The following PHTF2 variants were observed in gnomAD, a reference collection of about 807,000 sequenced individuals.
PHTF2 encodes the protein putative homeodomain transcription factor 2.
A neutral mutation model predicts 101.2 loss-of-function variants in PHTF2; 60 were observed. That is an observed-to-expected ratio of 0.59 (90% CI 0.48 to 0.73). The LOEUF is 0.73. PHTF2 is among the 30% of genes least tolerant of loss of function. The pLI, the probability that PHTF2 is intolerant of heterozygous loss-of-function variation, is 0.00. For synonymous variants in PHTF2, 311 were observed against 307.3 expected (o/e 1.01, Z -0.13); for missense variants, 747 against 908.7 (o/e 0.82, Z 2.29).
chr7:77,922,521 G>T, intron 10 of PHTF2, 102 bp from the exon 10 acceptor site: 1 of 751,856 alleles, frequency 1.3e-6, no homozygotes, highest in Non-Finnish European at 2.0e-6. Context: ...ATATTTTGAA[G>T]TTGTGTGTAT....
intron 11 of PHTF2, among the ~76,000 whole-genome samples, chr7:77,924,865 A>G (rs1025104810): frequency 6.6e-6 from 1 of 152,162 alleles, no homozygotes; most frequent in Non-Finnish European, 1.5e-5. Context: ...TTTAATGTGT[A>G]GACTTTCATT....
At chr7:77,819,039 GTTGA>G (rs1291218592) in intron 1 of PHTF2, among the ~76,000 whole-genome samples, 6 of 151,954 alleles carry the variant, frequency 3.9e-5, no homozygotes, top group Admixed American at 6.6e-5. Flanking sequence ...TTTTCAGCTA[GTTGA>G]TTGTTTGTGT....
At chr7:77,873,215 CTG>C (rs1315366814) in intron 3 of PHTF2, among the ~76,000 whole-genome samples, 4 of 151,854 alleles carry the variant, frequency 2.6e-5, no homozygotes, top group Non-Finnish European at 5.9e-5. Flanking sequence ...GCGTGAGCCA[CTG>C]TGCTCGGCCT....
At chr7:77,890,948 A>G (rs1467683769) in intron 3 of PHTF2, among the ~76,000 whole-genome samples, 2 of 120,490 alleles carry the variant, frequency 1.7e-5, no homozygotes, top group African/African-American at 6.7e-5. Context: ...TCACTCTGTC[A>G]CCCAGGCAGA....
chr7:77,910,142 A>C, intron 8 of PHTF2, 103 bp from the exon 8 acceptor site: 1 of 802,054 alleles, frequency 1.2e-6, no homozygotes, highest in Non-Finnish European at 2.0e-6. Context: ...TGTGTTAAGT[A>C]AAGTTCCTGT....
At chr7:77,874,359 T>C (rs147026106) in intron 3 of PHTF2, among the ~76,000 whole-genome samples, 1 of 152,228 alleles carries the variant, frequency 6.6e-6, no homozygotes, top group Non-Finnish European at 1.5e-5. Flanking sequence ...CCAAAATCTG[T>C]TGGTCAAGGT....
chr7:77,897,293 ATTTTT>A (rs10687152), intron 5 of PHTF2, among the ~76,000 whole-genome samples: 3 of 133,718 alleles, frequency 2.2e-5, no homozygotes, highest in African/African-American at 2.8e-5. Flanking sequence ...AGCCCATTTC[ATTTTT>A]TTTTTTTTTT....
intron 1 of PHTF2, among the ~76,000 whole-genome samples, chr7:77,816,988 T>C (rs1309191460): frequency 6.6e-6 from 1 of 152,214 alleles, no homozygotes; most frequent in East Asian, 1.9e-4. Context: ...TGTAGGTTGA[T>C]TCCATATCTT....
At chr7:77,955,701 A>G (rs894871813) in exon 20 of PHTF2, 1 of 152,570 alleles carries the variant, frequency 6.6e-6, no homozygotes, top group Non-Finnish European at 1.5e-5. Context: ...TCATCTCACA[A>G]GTGAAGTGCC....
chr7:77,910,472 A>G, intron 9 of PHTF2, 63 bp downstream of exon 8: 2 of 1,148,256 alleles, frequency 1.7e-6, no homozygotes, highest in Admixed American at 2.4e-5. Flanking sequence ...CTGGCACTTC[A>G]GTCTCAGGTA....
intron 1 of PHTF2, among the ~76,000 whole-genome samples, chr7:77,829,120 A>G (rs1425992318): frequency 6.6e-6 from 1 of 152,204 alleles, no homozygotes; most frequent in Non-Finnish European, 1.5e-5. Context: ...GTTTGAGGCT[A>G]CAGTGAAATA....
chr7:77,841,288 C>G (rs1423391589), intron 2 of PHTF2, among the ~76,000 whole-genome samples: 3 of 151,820 alleles, frequency 2.0e-5, no homozygotes, highest in African/African-American at 7.3e-5. Flanking sequence ...CCGTGTTGGT[C>G]AGGCTGATCT....
At chr7:77,847,400 C>T (rs917272726) in intron 2 of PHTF2, among the ~76,000 whole-genome samples, 4 of 152,180 alleles carry the variant, frequency 2.6e-5, no homozygotes, top group East Asian at 1.9e-4. Flanking sequence ...TGTATAGCAT[C>T]GCGACCTCTA....
intron 1 of PHTF2, among the ~76,000 whole-genome samples, chr7:77,829,044 C>T (rs1013548265): frequency 1.7e-4 from 26 of 151,248 alleles, no homozygotes; most frequent in Middle Eastern, 3.4e-3. Context: ...TAGCCAGGTG[C>T]GATGGTGTCC....
chr7:77,900,852 A>C, intron 6 of PHTF2, 72 bp downstream of exon 5: 1 of 813,292 alleles, frequency 1.2e-6, no homozygotes, highest in South Asian at 1.4e-5. Flanking sequence ...AAATAGGTTT[A>C]AATATTGTAT....
At chr7:77,833,704 T>G (rs377386194) in intron 1 of PHTF2, among the ~76,000 whole-genome samples, 1 of 152,190 alleles carries the variant, frequency 6.6e-6, no homozygotes, top group Non-Finnish European at 1.5e-5. Flanking sequence ...CTTTTGTTGC[T>G]GAGTCTAGCT....
chr7:77,954,620 A>ATC (rs1562982732), intron 19 of PHTF2, among the ~76,000 whole-genome samples: 2 of 117,146 alleles, frequency 1.7e-5, no homozygotes, highest in African/African-American at 3.0e-5. Flanking sequence ...GTGTATATAT[A>ATC]TATATATATA....
intron 3 of PHTF2, among the ~76,000 whole-genome samples, chr7:77,860,052 T>C (rs1797506432): frequency 6.6e-6 from 1 of 152,208 alleles, no homozygotes; most frequent in South Asian, 2.1e-4. Flanking sequence ...AAACTGCATG[T>C]AAGTTAAACC....
intron 16 of PHTF2, among the ~76,000 whole-genome samples, chr7:77,944,970 G>A (rs1805923934): frequency 6.6e-6 from 1 of 152,154 alleles, no homozygotes; most frequent in Non-Finnish European, 1.5e-5. Context: ...CTAAAATACA[G>A]GACAGAGATA....
Sources: allele counts gnomAD v4.1 joint callset (sites outside exome capture counted in the v4.1 genomes callset), GRCh38; gene constraint gnomAD v4.1.1; transcripts MANE v1.5; gene names NCBI Gene and HGNC (gene_info 2026-07-23, HGNC 2026-07-21).